Variants in TBC1D22A observed in about 807,000 individuals in gnomAD.
TBC1D22A encodes the protein putative GTPase activator.
In TBC1D22A, 38 loss-of-function variants were observed where a neutral mutation model predicts 60.2. The observed-to-expected ratio is 0.63, with a 90% CI of 0.49 to 0.83. The LOEUF (loss-of-function observed/expected upper bound fraction) is 0.83, where lower values mean the gene tolerates loss of function less well. Ranked by LOEUF, TBC1D22A falls within the 40% of genes least tolerant of loss-of-function variation. The probability of loss-of-function intolerance (pLI) is 0.00; values close to 1 mark genes in which losing one functional copy is unlikely to be tolerated. For synonymous variants in TBC1D22A, 302 were observed against 281.7 expected (o/e 1.07, Z -0.72); for missense variants, 628 against 701.0 (o/e 0.90, Z 1.18).
chr22:47,096,971 T>C (rs1285037795), intron 11 of TBC1D22A, among the ~76,000 whole-genome samples: 7 of 152,208 alleles, frequency 4.6e-5, no homozygotes, highest in African/African-American at 1.7e-4. Flanking sequence ...CCAGTTGTTT[T>C]CTCTGTACCA....
chr22:46,973,003 G>T (rs2074134752), intron 8 of TBC1D22A, among the ~76,000 whole-genome samples: 1 of 152,222 alleles, frequency 6.6e-6, no homozygotes, highest in African/African-American at 2.4e-5. Flanking sequence ...TGGAGGGTCA[G>T]ACACGGAGGC....
intron 8 of TBC1D22A, among the ~76,000 whole-genome samples, chr22:46,918,052 G>A (rs571056956): frequency 6.6e-6 from 1 of 150,484 alleles, no homozygotes; most frequent in Non-Finnish European, 1.5e-5. Context: ...CAGTGGACAC[G>A]AAATGGAGAT....
At position 47,153,537 on chromosome 22, in the gene TBC1D22A, G is replaced by A. The variant is rs542198873; in HGVS notation, c.1426-19961G>A. On this transcript the variant is annotated intron_variant, in intron 12 of 12. Coordinates refer to ENST00000337137, the MANE Select transcript of TBC1D22A (RefSeq NM_014346.5). ...CGGTCTGCCTGGGGGAGGTGGGTTC[G>A]AGGGGGAAAGAGGTAAGGAGGCGGC... is the stretch of plus-strand genomic sequence containing the variant. 3.1e-3 allele frequency among the ~76,000 whole-genome samples: 464 copies of A among 152,044 alleles called. 3 individuals are homozygous for A. The highest frequency in any genetic ancestry group is 0.011 in the African/African-American group (443 of 41,462).
chr22:46,901,163 A>G (rs1276738403), intron 7 of TBC1D22A, among the ~76,000 whole-genome samples: 1 of 152,224 alleles, frequency 6.6e-6, no homozygotes, highest in African/African-American at 2.4e-5. Context: ...TTAAAAGTGT[A>G]TTTCAGAAGT....
chr22:46,791,195 A>T (rs1299827563), intron 1 of TBC1D22A, among the ~76,000 whole-genome samples: 1 of 151,960 alleles, frequency 6.6e-6, no homozygotes, highest in African/African-American at 2.4e-5. Context: ...ATTTTTTTGT[A>T]TTTTTTTGTG....
At chr22:46,770,497 C>T (rs1204287007) in intron 1 of TBC1D22A, among the ~76,000 whole-genome samples, 1 of 152,190 alleles carries the variant, frequency 6.6e-6, no homozygotes, top group East Asian at 1.9e-4. Context: ...GGGACTGTGC[C>T]GAGGGATGTC....
chr22:47,077,381 G>C (rs2064268507), intron 11 of TBC1D22A, among the ~76,000 whole-genome samples: 1 of 152,180 alleles, frequency 6.6e-6, no homozygotes, highest in Non-Finnish European at 1.5e-5. Context: ...TGTGGCTAAG[G>C]GCAGTTTGTC....
intron 12 of TBC1D22A, among the ~76,000 whole-genome samples, chr22:47,142,364 C>T (rs1312504861): frequency 1.5e-4 from 20 of 129,402 alleles, no homozygotes; most frequent in African/African-American, 5.8e-4. Context: ...CCCACCCACC[C>T]ATTCTTCCAT....
intron 9 of TBC1D22A, among the ~76,000 whole-genome samples, chr22:46,977,825 C>T (rs1206349167): frequency 6.6e-6 from 1 of 152,058 alleles, no homozygotes; most frequent in Non-Finnish European, 1.5e-5. Context: ...ATCTCATGAC[C>T]CAGCGACGCA....
chr22:46,766,860 T>A (rs571687719), intron 1 of TBC1D22A, among the ~76,000 whole-genome samples: 17 of 152,278 alleles, frequency 1.1e-4, no homozygotes, highest in African/African-American at 4.1e-4. Flanking sequence ...TTATGCAGCC[T>A]GAACTAAAGT....
chr22:46,890,840 G>A (rs919359127), intron 5 of TBC1D22A, among the ~76,000 whole-genome samples: 4 of 152,176 alleles, frequency 2.6e-5, no homozygotes, highest in East Asian at 3.8e-4. Flanking sequence ...GTGTGTGTGC[G>A]TGGGGTGTGT....
intron 12 of TBC1D22A, among the ~76,000 whole-genome samples, chr22:47,146,879 G>T (rs2067303811): frequency 1.3e-5 from 2 of 152,216 alleles, no homozygotes; most frequent in Admixed American, 1.3e-4. Flanking sequence ...AGGGCTGTCT[G>T]CCCACCCGGA....
intron 7 of TBC1D22A, 72 bp from the exon 8 acceptor site, chr22:46,912,002 A>G: frequency 2.1e-6 from 2 of 960,628 alleles, no homozygotes; most frequent in Non-Finnish European, 1.7e-6. Flanking sequence ...ATTTTAAGTA[A>G]TAGAATGCTT....
intron 12 of TBC1D22A, among the ~76,000 whole-genome samples, chr22:47,169,000 ATTGGGAGCCTCACCTG>A (rs1303805663): frequency 6.6e-6 from 1 of 151,016 alleles, no homozygotes; most frequent in African/African-American, 2.5e-5. Context: ...GCCCTCCGGC[ATTGGGAGCCTCACCTG>A]TTGGAACCCG....
intron 4 of TBC1D22A, among the ~76,000 whole-genome samples, chr22:46,834,785 C>T (rs2086448216): frequency 6.6e-6 from 1 of 152,320 alleles, no homozygotes; most frequent in African/African-American, 2.4e-5. Flanking sequence ...CCCACCTAGC[C>T]CACATATGCC....
chr22:47,135,832 G>A (rs573016495), intron 12 of TBC1D22A, among the ~76,000 whole-genome samples: 63 of 152,344 alleles, frequency 4.1e-4, no homozygotes, highest in African/African-American at 1.5e-3. Flanking sequence ...CGCGCCACGT[G>A]CCAGGACCAC....
intron 10 of TBC1D22A, among the ~76,000 whole-genome samples, chr22:46,999,728 A>G (rs1039824703): frequency 1.3e-5 from 2 of 152,162 alleles, no homozygotes; most frequent in Admixed American, 1.3e-4. Context: ...TGCTTAAAGA[A>G]AAAAAAAGCT....
rs1407430271 is a variant in TBC1D22A at position 47,009,300 on chromosome 22, CCAT to C, written c.1201+11597_1201+11599del. 2.0e-5 allele frequency among the ~76,000 whole-genome samples: 3 copies of C among 152,026 alleles called. No homozygotes were observed. Among genetic ancestry groups the C allele is most frequent in the African/African-American group, 7.3e-5 (3 of 41,378 alleles). On this transcript the variant is annotated intron_variant, in intron 10 of 12. Transcript: ENST00000337137. This position sits in a 1 kb window ranked among gnomAD's most constrained non-coding sequence, Gnocchi z 5.8. ...ATTGTCATCACCAGCATCATAAACACCATCATCACCACCATCATGTCATCATCA... is the reference window on the plus strand; with the variant it reads ...ATTGTCATCACCAGCATCATAAACACCATCACCACCATCATGTCATCATCA...
intron 11 of TBC1D22A, among the ~76,000 whole-genome samples, chr22:47,066,976 C>CTCA (rs1182196021): frequency 6.6e-6 from 1 of 152,168 alleles, no homozygotes; most frequent in Non-Finnish European, 1.5e-5. Flanking sequence ...TTTAAAAAAA[C>CTCA]TCATTTTGGC....
Sources: gnomAD v4.1 joint callset for allele counts (sites outside exome capture counted in the v4.1 genomes callset) on GRCh38, gnomAD v4.1.1 for gene constraint, Gnocchi (gnomAD v3.1) non-coding constraint, MANE v1.5 for transcripts, NCBI Gene and HGNC (gene_info 2026-07-23, HGNC 2026-07-21) for gene names.